The following BABAM2 variants were observed in gnomAD, a reference collection of about 807,000 sequenced individuals.
BABAM2 encodes BRISC and BRCA1-A complex member 2.
In BABAM2, 31 loss-of-function variants were observed where a neutral mutation model predicts 54.7. That is an observed-to-expected ratio of 0.57 (90% CI 0.43 to 0.77). The LOEUF (loss-of-function observed/expected upper bound fraction) is 0.77, where lower values mean the gene tolerates loss of function less well. Ranked by LOEUF, BABAM2 falls within the 30% of genes least tolerant of loss-of-function variation. The pLI is 0.00. For missense variants in BABAM2, 364 were observed against 455.8 expected (o/e 0.80, Z 1.83); for synonymous variants, 167 against 162.9 (o/e 1.03, Z -0.19).
intron 6 of BABAM2, among the ~76,000 whole-genome samples, chr2:28,110,872 A>G (rs1667947439): frequency 6.6e-6 from 1 of 151,616 alleles, no homozygotes; most frequent in African/African-American, 2.4e-5. Flanking sequence ...AACACTTGCT[A>G]TTATTTTGGA....
chr2:28,102,762 G>C (rs1023439154), intron 6 of BABAM2, among the ~76,000 whole-genome samples: 2 of 152,168 alleles, frequency 1.3e-5, no homozygotes, highest in African/African-American at 4.8e-5. Context: ...TACTAGGGGA[G>C]GTTAGAGCAA....
rs536271160 is a variant in BABAM2 at position 28,275,585 on chromosome 2, C to T, written c.935-22753C>T. 5.3e-4 allele frequency among the ~76,000 whole-genome samples: 80 copies of T among 152,246 alleles called. 1 individual carries two copies. Among genetic ancestry groups the T allele is most frequent in the African/African-American group, 1.7e-3 (72 of 41,546 alleles). Reference sequence around the variant, plus strand: ...GGAGTACCAAAGCTTAGTTGTGTGTCTAGAGAATTCAGGGTGTGGTGAGTG... The same window carrying T: ...GGAGTACCAAAGCTTAGTTGTGTGTTTAGAGAATTCAGGGTGTGGTGAGTG... On this transcript the variant is annotated intron_variant, in intron 10 of 11. Transcript: ENST00000379624.
Position 27,975,147 on chromosome 2 carries a change from G to T in BABAM2, c.206-12846G>T, listed in dbSNP as rs140002048. On this transcript the variant is annotated intron_variant, in intron 3 of 11. Transcript: ENST00000379624. ...ATAGTTAAGATGTTTTCCCTAATTA[G>T]TTTTAATTAGTTTCCTAAGTCAATT... is the stretch of plus-strand genomic sequence containing the variant. Among the ~76,000 whole-genome samples the T allele has an allele frequency of 6.3e-3, 960 of 152,138 alleles. 7 individuals carry two copies. Among genetic ancestry groups the T allele is most frequent in the Non-Finnish European group, 7.9e-3 (534 of 67,922 alleles).
rs575452447 is a variant in BABAM2 at position 28,329,100 on chromosome 2, G to A, written c.1089-9350G>A. On this transcript the variant is annotated intron_variant, in intron 11 of 11. Transcript: ENST00000379624. This position sits in a 1 kb window ranked among gnomAD's most constrained non-coding sequence, Gnocchi z 4.2. ...CTGAGCATTTCCCTGATAGCTCCCT[G>A]TCTTAACTTTCTTCAGTCTCCTGAT... 1.6e-4 allele frequency among the ~76,000 whole-genome samples: 25 copies of A among 152,284 alleles called. No homozygotes were observed. The highest frequency in any genetic ancestry group is 3.1e-4 in the Non-Finnish European group (21 of 68,030).
intron 5 of BABAM2, among the ~76,000 whole-genome samples, chr2:28,030,597 A>C (rs1160942024): frequency 6.6e-6 from 1 of 152,202 alleles, no homozygotes; most frequent in African/African-American, 2.4e-5. Context: ...CAGGAATATT[A>C]AAGGACAGCC....
intron 11 of BABAM2, among the ~76,000 whole-genome samples, chr2:28,305,464 A>C (rs1470775996): frequency 1.3e-5 from 2 of 152,206 alleles, no homozygotes; most frequent in African/African-American, 4.8e-5. Context: ...TTTTACATCT[A>C]CATTTATGAA....
intron 11 of BABAM2, chr2:28,309,951 C>A: frequency 2.1e-6 from 2 of 965,074 alleles, no homozygotes; most frequent in Non-Finnish European, 3.2e-6. Context: ...CCCTCCTGGG[C>A]CTTTTCCTTA....
chr2:28,201,128 T>C (rs1678225905), intron 7 of BABAM2, among the ~76,000 whole-genome samples: 1 of 152,188 alleles, frequency 6.6e-6, no homozygotes, highest in Non-Finnish European at 1.5e-5. Flanking sequence ...TAACCAAGGA[T>C]CCGTGTCCTG....
intron 4 of BABAM2, chr2:28,013,283 A>G (rs1331551513): frequency 6.7e-6 from 3 of 444,928 alleles, no homozygotes; most frequent in African/African-American, 2.0e-5. Context: ...ATAAATTCTG[A>G]TAAGATTCCA....
At chr2:27,930,102 G>A in intron 3 of BABAM2, 194 bp downstream of exon 3, 1 of 518,376 alleles carries the variant, frequency 1.9e-6, no homozygotes, top group Non-Finnish European at 3.4e-6. Flanking sequence ...AATACGTTGT[G>A]GTTAAATAGG....
At position 28,145,437 on chromosome 2, in the gene BABAM2, T is replaced by A. The variant is rs141106979; in HGVS notation, c.680+16057T>A. Among the ~76,000 whole-genome samples, 103 of 152,336 alleles carry A rather than the reference T, an allele frequency of 6.8e-4. 1 individual carries two copies. In the East Asian group the frequency reaches 0.019, roughly 28 times the overall value. The stretch of plus-strand genomic sequence containing the variant: ...TCTGCTCATTTTTAGAGATACCTAC[T>A]AAGGGCCAAAGGAAAATACACTGTA... On this transcript the variant is annotated intron_variant, in intron 7 of 11. Transcript: ENST00000379624.
At chr2:27,983,799 A>G (rs1356738462) in intron 3 of BABAM2, among the ~76,000 whole-genome samples, 1 of 151,974 alleles carries the variant, frequency 6.6e-6, no homozygotes, top group East Asian at 1.9e-4. Flanking sequence ...TTGTACATTT[A>G]TCTTGTATCT....
intron 6 of BABAM2, among the ~76,000 whole-genome samples, chr2:28,094,469 A>G (rs1350983211): frequency 2.0e-5 from 3 of 152,184 alleles, no homozygotes; most frequent in Non-Finnish European, 4.4e-5. Flanking sequence ...TTATAAACTA[A>G]GCATTTTTCA....
At chr2:27,909,864 A>G (rs944120065) in intron 2 of BABAM2, among the ~76,000 whole-genome samples, 1 of 152,254 alleles carries the variant, frequency 6.6e-6, no homozygotes, top group African/African-American at 2.4e-5. Flanking sequence ...ATTGGTTAAC[A>G]TAAGCAGCTC....
At chr2:28,179,194 A>G (rs1675349589) in intron 7 of BABAM2, among the ~76,000 whole-genome samples, 1 of 152,116 alleles carries the variant, frequency 6.6e-6, no homozygotes, top group African/African-American at 2.4e-5. Flanking sequence ...AAAAAAGGAA[A>G]TGGCAGGCTA....
chr2:28,008,893 T>A (rs1046492419), intron 4 of BABAM2, among the ~76,000 whole-genome samples: 1 of 152,130 alleles, frequency 6.6e-6, no homozygotes, highest in Non-Finnish European at 1.5e-5. Flanking sequence ...TCTTCCCCCC[T>A]GGATATGGGC....
Position 28,130,942 on chromosome 2 carries a change from T to C in BABAM2, c.680+1562T>C, listed in dbSNP as rs1669982986. On this transcript the variant is annotated intron_variant, in intron 7 of 11. Transcript: ENST00000379624. The stretch of plus-strand genomic sequence containing the variant: ...TTTCATTAGAGACAGAGTTTCACCA[T>C]GTTGGCCAAGCTGGTCTCGAACTCC... 1.2e-4 allele frequency among the ~76,000 whole-genome samples: 19 copies of C among 152,204 alleles called. No individual in the cohort carries two copies. The South Asian group carries it at 3.9e-3, about 32-fold the overall frequency.
intron 7 of BABAM2, among the ~76,000 whole-genome samples, chr2:28,174,697 A>C (rs1049156233): frequency 7.9e-5 from 12 of 152,198 alleles, no homozygotes; most frequent in Non-Finnish European, 1.3e-4. Flanking sequence ...AGCTGCCTTG[A>C]GACCATGCTA....
chr2:28,006,556 G>C (rs1387061196), intron 4 of BABAM2, among the ~76,000 whole-genome samples: 1 of 151,892 alleles, frequency 6.6e-6, no homozygotes, highest in Admixed American at 6.6e-5. Context: ...ACAGTATCCT[G>C]GTGTCATTTA....
Sources: allele counts gnomAD v4.1 joint callset (sites outside exome capture counted in the v4.1 genomes callset), GRCh38; gene constraint gnomAD v4.1.1; non-coding constraint Gnocchi (gnomAD v3.1); transcripts MANE v1.5; gene names NCBI Gene and HGNC (gene_info 2026-07-23, HGNC 2026-07-21).